Variants in MYO1B observed in about 807,000 individuals in gnomAD.
MYO1B encodes the protein myosin IB.
Under a neutral mutation model 159.7 loss-of-function variants are expected in MYO1B, and 72 were observed. The ratio of observed to expected loss-of-function variants is 0.45; its 90% confidence interval spans 0.37 to 0.55. The LOEUF (loss-of-function observed/expected upper bound fraction) is 0.55. Among genes scored for constraint, MYO1B ranks in the 20% least tolerant of loss-of-function variants. MYO1B has a pLI of 0.00. For synonymous variants in MYO1B, 468 were observed against 473.8 expected, an observed-to-expected ratio of 0.99 and a Z score of 0.16; for missense variants, 1,062 against 1,364.8, an observed-to-expected ratio of 0.78 and a Z score of 3.50.
At position 191,339,986 on chromosome 2, in the gene MYO1B, CAG is replaced by C. The variant is rs975415284; in HGVS notation, c.347-1469_347-1468del. ...AAGATTGCCTCATTATACCTGTAGGCAGAGAGACCCTCCAACTTGGAGGAGGC... is the reference window on the plus strand; with the variant it reads ...AAGATTGCCTCATTATACCTGTAGGCAGAGACCCTCCAACTTGGAGGAGGC... On this transcript the variant is annotated intron_variant, in intron 4 of 30. Coordinates refer to ENST00000392318, the MANE Select transcript of MYO1B (RefSeq NM_001130158.3). 1.6e-3 allele frequency among the ~76,000 whole-genome samples: 245 copies of C among 152,280 alleles called. 1 individual carries two copies. Among genetic ancestry groups the C allele is most frequent in the African/African-American group, 5.1e-3 (213 of 41,548 alleles).
chr2:191,408,269 C>A, intron 25 of MYO1B, 80 bp downstream of exon 25: 1 of 994,820 alleles, frequency 1.0e-6, no homozygotes, highest in South Asian at 1.5e-5. Flanking sequence ...TAAAATGTGC[C>A]TTTTCCTAAA....
At chr2:191,300,383 G>T (rs185152036) in intron 3 of MYO1B, among the ~76,000 whole-genome samples, 46 of 145,908 alleles carry the variant, frequency 3.2e-4, no homozygotes, top group African/African-American at 1.1e-3. Context: ...TCGCTCTGTC[G>T]CCCAGGCTGG....
chr2:191,292,777 A>G (rs1442047994), intron 2 of MYO1B, among the ~76,000 whole-genome samples: 1 of 148,680 alleles, frequency 6.7e-6, no homozygotes, highest in Non-Finnish European at 1.5e-5. Context: ...TGGTTTACAT[A>G]GGTGTATCAG....
At chr2:191,373,008 C>A (rs1001842667) in intron 13 of MYO1B, among the ~76,000 whole-genome samples, 1 of 150,260 alleles carries the variant, frequency 6.7e-6, no homozygotes, top group African/African-American at 2.5e-5. Flanking sequence ...TGCAGCACCA[C>A]GCCCAGCTAA....
intron 4 of MYO1B, among the ~76,000 whole-genome samples, 167 bp downstream of exon 4, chr2:191,330,196 A>G (rs1230382226): frequency 6.6e-6 from 1 of 152,158 alleles, no homozygotes; most frequent in Non-Finnish European, 1.5e-5. Context: ...TGGACTCCCC[A>G]GAGAAACAAG....
chr2:191,352,939 C>T (rs1337268138), intron 7 of MYO1B, among the ~76,000 whole-genome samples: 1 of 152,156 alleles, frequency 6.6e-6, no homozygotes, highest in Non-Finnish European at 1.5e-5. Context: ...TATTTTGCCT[C>T]CTTTTCCAGC....
chr2:191,268,367 C>T (rs886247779), intron 1 of MYO1B, among the ~76,000 whole-genome samples: 1 of 152,130 alleles, frequency 6.6e-6, no homozygotes, highest in African/African-American at 2.4e-5. Context: ...TCATGGGGGC[C>T]TCACCCTCCT....
chr2:191,289,149 T>G (rs1284920406), intron 2 of MYO1B, among the ~76,000 whole-genome samples: 2 of 152,222 alleles, frequency 1.3e-5, no homozygotes, highest in African/African-American at 4.8e-5. Context: ...GTAGAAGGAT[T>G]TCTCAGGTGG....
chr2:191,359,311 G>GTTTTT (rs1232947822), intron 7 of MYO1B, among the ~76,000 whole-genome samples: 1 of 23,438 alleles, frequency 4.3e-5, no homozygotes, highest in African/African-American at 8.3e-5. Context: ...CAACCTTTGG[G>GTTTTT]GTTTTTTTTT....
At chr2:191,411,459 TA>T in intron 27 of MYO1B, among the ~76,000 whole-genome samples, 1 of 152,374 alleles carries the variant, frequency 6.6e-6, no homozygotes, top group East Asian at 1.9e-4. Flanking sequence ...TATAGGCTGT[TA>T]AGATACGTTT....
At chr2:191,330,526 A>G (rs1036738589) in intron 4 of MYO1B, among the ~76,000 whole-genome samples, 4 of 152,228 alleles carry the variant, frequency 2.6e-5, no homozygotes, top group Non-Finnish European at 5.9e-5. Flanking sequence ...CTTCGCATAA[A>G]AAAACCCTCC....
chr2:191,298,452 C>T (rs891114776), intron 3 of MYO1B, among the ~76,000 whole-genome samples: 12 of 152,062 alleles, frequency 7.9e-5, no homozygotes, highest in African/African-American at 2.9e-4. Context: ...GTGCTTGGAC[C>T]AATTGTATCA....
chr2:191,418,624 G>A (rs1263258670), intron 30 of MYO1B, among the ~76,000 whole-genome samples: 1 of 151,590 alleles, frequency 6.6e-6, no homozygotes, highest in South Asian at 2.1e-4. Context: ...TGAGTAGCTG[G>A]GATTACAGGC....
At chr2:191,372,346 A>G (rs1329562096) in intron 13 of MYO1B, among the ~76,000 whole-genome samples, 2 of 152,244 alleles carry the variant, frequency 1.3e-5, no homozygotes, top group East Asian at 1.9e-4. Context: ...ATGATGGGAT[A>G]TCTAGTTAAC....
chr2:191,354,353 T>G (rs1693133800), intron 7 of MYO1B, among the ~76,000 whole-genome samples: 1 of 151,582 alleles, frequency 6.6e-6, no homozygotes, highest in African/African-American at 2.4e-5. Flanking sequence ...AAAGTAATTA[T>G]GTACAGTTAA....
intron 2 of MYO1B, among the ~76,000 whole-genome samples, chr2:191,282,517 T>A (rs1350276785): frequency 6.6e-6 from 1 of 152,198 alleles, no homozygotes; most frequent in African/African-American, 2.4e-5. Flanking sequence ...TAACAAATGC[T>A]TTTGGGAAAA....
chr2:191,280,320 A>T (rs1687982018), intron 2 of MYO1B, among the ~76,000 whole-genome samples: 1 of 152,240 alleles, frequency 6.6e-6, no homozygotes, highest in South Asian at 2.1e-4. Context: ...ACCCACATTT[A>T]TTCACCTGAA....
intron 3 of MYO1B, among the ~76,000 whole-genome samples, chr2:191,315,983 A>C (rs1449730939): frequency 6.6e-6 from 1 of 152,234 alleles, no homozygotes; most frequent in Non-Finnish European, 1.5e-5. Flanking sequence ...GATGAGAACC[A>C]TAGGTACAAG....
At chr2:191,300,316 T>C (rs2125826439) in intron 3 of MYO1B, among the ~76,000 whole-genome samples, 1 of 151,556 alleles carries the variant, frequency 6.6e-6, no homozygotes, top group South Asian at 2.1e-4. Context: ...TTACCCAATA[T>C]TACATTTGAA....
Sources: allele counts gnomAD v4.1 joint callset (sites outside exome capture counted in the v4.1 genomes callset), GRCh38; gene constraint gnomAD v4.1.1; transcripts MANE v1.5; gene names NCBI Gene and HGNC (gene_info 2026-07-23, HGNC 2026-07-21).